The following BRINP3 variants were observed in gnomAD, a reference collection of about 807,000 sequenced individuals.
BRINP3 encodes the protein BMP/retinoic acid-inducible neural-specific protein 3.
BRINP3 carries 19 observed loss-of-function variants against 71.0 expected under a neutral mutation model. That is an observed-to-expected ratio of 0.27 (90% CI 0.19 to 0.39). The LOEUF (loss-of-function observed/expected upper bound fraction) is 0.39, where lower values mean the gene tolerates loss of function less well. Ranked by LOEUF, BRINP3 falls within the 10% of genes least tolerant of loss-of-function variation. The pLI is 1.00. For synonymous variants in BRINP3, 380 were observed against 337.7 expected, an observed-to-expected ratio of 1.13 and a Z score of -1.37; for missense variants, 959 against 940.8, an observed-to-expected ratio of 1.02 and a Z score of -0.25.
rs1669226963 is a variant in BRINP3 at position 190,362,681 on chromosome 1, G to A, written c.237-80931C>T. The stretch of plus-strand genomic sequence containing the variant: ...TCATGGAGGTTGATTCCCCCATAGT[G>A]TTCTCACAGTAGTGGGTTAAGTCTC... On this transcript the variant is annotated intron_variant, in intron 2 of 7. Coordinates refer to ENST00000367462, the MANE Select transcript of BRINP3 (RefSeq NM_199051.3). Among the ~76,000 whole-genome samples, 3 of 152,280 alleles carry A rather than the reference G, an allele frequency of 2.0e-5. 1 individual carries two copies. Among genetic ancestry groups the A allele is most frequent in the South Asian group, 4.1e-4 (2 of 4,828 alleles).
intron 3 of BRINP3, among the ~76,000 whole-genome samples, chr1:190,278,105 T>C (rs891047870): frequency 5.9e-5 from 9 of 151,686 alleles, no homozygotes; most frequent in African/African-American, 1.9e-4. Flanking sequence ...TAAATAACTC[T>C]TAGGGGAAAA....
intron 2 of BRINP3, among the ~76,000 whole-genome samples, chr1:190,348,062 T>C (rs1003749792): frequency 1.3e-5 from 2 of 152,104 alleles, no homozygotes; most frequent in Non-Finnish European, 2.9e-5. Flanking sequence ...TGCAAAGTAT[T>C]ACTCACTTCA....
At chr1:190,241,812 TAC>T (rs1659127546) in intron 4 of BRINP3, among the ~76,000 whole-genome samples, 1 of 151,822 alleles carries the variant, frequency 6.6e-6, no homozygotes, top group Non-Finnish European at 1.5e-5. Context: ...CTTTTAAAAT[TAC>T]ATATTGCTAA....
chr1:190,294,032 T>C (rs1439546588), intron 2 of BRINP3, among the ~76,000 whole-genome samples: 1 of 152,030 alleles, frequency 6.6e-6, no homozygotes, highest in Non-Finnish European at 1.5e-5. Context: ...TTCAGTGTTG[T>C]TATTGGTAGG....
At chr1:190,104,495 T>C (rs1051419887) in intron 7 of BRINP3, among the ~76,000 whole-genome samples, 1 of 152,110 alleles carries the variant, frequency 6.6e-6, no homozygotes, top group Non-Finnish European at 1.5e-5. Flanking sequence ...TTCTTTATTA[T>C]AGCCACTTTT....
At chr1:190,104,218 A>C (rs920158544) in intron 7 of BRINP3, among the ~76,000 whole-genome samples, 2 of 152,024 alleles carry the variant, frequency 1.3e-5, no homozygotes, top group African/African-American at 4.8e-5. Flanking sequence ...TTGTGATGTA[A>C]CATTTAGGTT....
chr1:190,291,042 G>A (rs1663828367), intron 2 of BRINP3, among the ~76,000 whole-genome samples: 1 of 151,744 alleles, frequency 6.6e-6, no homozygotes, highest in Non-Finnish European at 1.5e-5. Flanking sequence ...TAAATGGGGA[G>A]GAATGTGAGA....
At position 190,193,229 on chromosome 1, in the gene BRINP3, G is replaced by T. The variant is rs140066367; in HGVS notation, c.962-32339C>A. 2.9e-3 allele frequency among the ~76,000 whole-genome samples: 439 copies of T among 152,054 alleles called. 5 individuals carry two copies. Among genetic ancestry groups the T allele is most frequent in the Admixed American group, 0.021 (313 of 15,242 alleles). Reference sequence around the variant, plus strand: ...TGGAGGAAGAAATGAGGAGGTGTTTGTGATATTAAAAAAAAATAGTCATAC... The same window carrying T: ...TGGAGGAAGAAATGAGGAGGTGTTTTTGATATTAAAAAAAAATAGTCATAC... On this transcript the variant is annotated intron_variant, in intron 6 of 7. Transcript: ENST00000367462.
chr1:190,148,301 T>A (rs1238823851), intron 7 of BRINP3, among the ~76,000 whole-genome samples: 1 of 151,806 alleles, frequency 6.6e-6, no homozygotes, highest in Non-Finnish European at 1.5e-5. Flanking sequence ...AACCTCACTT[T>A]TAAAATAAAT....
At chr1:190,148,319 G>A (rs1413227099) in intron 7 of BRINP3, among the ~76,000 whole-genome samples, 1 of 151,722 alleles carries the variant, frequency 6.6e-6, no homozygotes, top group Admixed American at 6.6e-5. Context: ...AATTCTTGCC[G>A]GGTGCAGTGG....
intron 2 of BRINP3, among the ~76,000 whole-genome samples, chr1:190,421,679 A>T (rs549951042): frequency 1.3e-5 from 2 of 151,858 alleles, no homozygotes; most frequent in African/African-American, 4.8e-5. Context: ...TGATAGATAG[A>T]TTTGAATCCA....
chr1:190,368,483 G>A (rs919182374), intron 2 of BRINP3, among the ~76,000 whole-genome samples: 1 of 131,744 alleles, frequency 7.6e-6, no homozygotes, highest in South Asian at 2.5e-4. Flanking sequence ...CTTATACAAA[G>A]GCTAGGATGT....
chr1:190,221,027 G>T (rs1299747670), intron 6 of BRINP3, among the ~76,000 whole-genome samples: 1 of 152,112 alleles, frequency 6.6e-6, no homozygotes, highest in Non-Finnish European at 1.5e-5. Context: ...AGACCAGCCT[G>T]GCCAACATGG....
At chr1:190,276,503 A>G (rs955246074) in intron 3 of BRINP3, among the ~76,000 whole-genome samples, 1 of 151,428 alleles carries the variant, frequency 6.6e-6, no homozygotes, top group Admixed American at 6.6e-5. Flanking sequence ...TATAATTGAT[A>G]TTTTATCCAT....
At chr1:190,180,720 G>C (rs886490234) in intron 6 of BRINP3, among the ~76,000 whole-genome samples, 16 of 151,930 alleles carry the variant, frequency 1.1e-4, no homozygotes, top group African/African-American at 3.9e-4. Flanking sequence ...ATTTTTCAAA[G>C]ACTTTAGAAG....
intron 6 of BRINP3, among the ~76,000 whole-genome samples, chr1:190,206,613 G>C (rs1291695878): frequency 1.3e-5 from 2 of 152,024 alleles, no homozygotes; most frequent in Non-Finnish European, 2.9e-5. Flanking sequence ...CAGAAAGTTA[G>C]AGGAATCTTA....
chr1:190,339,184 G>T lies in BRINP3; in HGVS notation c.237-57434C>A, dbSNP rs138391626. On this transcript the variant is annotated intron_variant, in intron 2 of 7. Coordinates refer to ENST00000367462, the MANE Select transcript of BRINP3 (RefSeq NM_199051.3). ...GCCTTTCAAAAGCCTCACAAAAATAGTTAATCTACTTTATCACTGTTGCTC... is the reference window on the plus strand; with the variant it reads ...GCCTTTCAAAAGCCTCACAAAAATATTTAATCTACTTTATCACTGTTGCTC... Among the ~76,000 whole-genome samples the T allele has an allele frequency of 6.0e-3, 915 of 152,002 alleles. 16 individuals are homozygous for T. Among genetic ancestry groups the T allele is most frequent in the African/African-American group, 0.021 (853 of 41,530 alleles).
intron 2 of BRINP3, among the ~76,000 whole-genome samples, chr1:190,303,385 A>G (rs1664869729): frequency 6.6e-6 from 1 of 151,622 alleles, no homozygotes; most frequent in African/African-American, 2.4e-5. Context: ...ATATATTGTA[A>G]TCAGAAGACT....
At chr1:190,342,702 T>A (rs1326892925) in intron 2 of BRINP3, 1 of 151,690 alleles carries the variant, frequency 6.6e-6, no homozygotes, top group Non-Finnish European at 1.5e-5. Flanking sequence ...TGCAGACACC[T>A]CCCTTTATGA....
Sources: gnomAD v4.1 joint callset for allele counts (sites outside exome capture counted in the v4.1 genomes callset) on GRCh38, gnomAD v4.1.1 for gene constraint, MANE v1.5 for transcripts, NCBI Gene and HGNC (gene_info 2026-07-23, HGNC 2026-07-21) for gene names.